The following TAL1 variants were observed in gnomAD, a reference collection of about 807,000 sequenced individuals.
The protein encoded by TAL1 is TAL bHLH transcription factor 1, erythroid differentiation factor.
TAL1 carries 8 observed loss-of-function variants against 17.9 expected under a neutral mutation model. The observed-to-expected ratio is 0.45, with a 90% CI of 0.26 to 0.81. The LOEUF (loss-of-function observed/expected upper bound fraction) is 0.81. Ranked by LOEUF, TAL1 falls within the 30% of genes least tolerant of loss-of-function variation. The pLI is 0.17. For synonymous variants in TAL1, 223 were observed against 218.6 expected, an observed-to-expected ratio of 1.02 and a Z score of -0.18; for missense variants, 466 against 486.9, an observed-to-expected ratio of 0.96 and a Z score of 0.40.
At chr1:47,225,948 G>T in intron 1 of TAL1, 59 bp from the exon 3 acceptor site, 1 of 1,516,640 alleles carries the variant, frequency 6.6e-7, no homozygotes, top group Admixed American at 2.0e-5. Flanking sequence ...CTGACCCACC[G>T]ACGTGGGCTG....
chr1:47,218,367 G>C (rs1165130503), exon 4 of TAL1: 1 of 232,636 alleles, frequency 4.3e-6, no homozygotes, highest in Non-Finnish European at 8.5e-6. Context: ...TTCTACAAAA[G>C]GATTCTTCAC....
intron 3 of TAL1, among the ~76,000 whole-genome samples, chr1:47,220,764 G>GT (rs1643774187): frequency 1.3e-5 from 2 of 152,214 alleles, no homozygotes; most frequent in South Asian, 4.1e-4. Flanking sequence ...CCATGTATCA[G>GT]TTTTTTGCTA....
chr1:47,225,361 C>G, intron 2 of TAL1, 82 bp downstream of exon 3: 1 of 1,187,720 alleles, frequency 8.4e-7, no homozygotes, highest in Non-Finnish European at 1.1e-6. Flanking sequence ...AGGCCGCCGC[C>G]GATGTGTAGA....
intron 2 of TAL1, 90 bp downstream of exon 3, chr1:47,225,353 G>T: frequency 8.6e-7 from 1 of 1,163,386 alleles, no homozygotes; most frequent in Non-Finnish European, 1.1e-6. Flanking sequence ...CCCAGGGCAG[G>T]CCGCCGCCGA....
exon 2 of TAL1, chr1:47,225,862 C>T: frequency 6.3e-7 from 1 of 1,582,678 alleles, no homozygotes; most frequent in Non-Finnish European, 8.5e-7. Context: ...CACTGCGAGC[C>T]GCCTCGCTCG....
At chr1:47,217,216 C>T in exon 4 of TAL1, 1 of 238,744 alleles carries the variant, frequency 4.2e-6, no homozygotes, top group Non-Finnish European at 8.0e-6. Flanking sequence ...TCCATCTCTA[C>T]CAAAAAAAAA....
intron 1 of TAL1, chr1:47,226,187 T>G: frequency 7.7e-6 from 3 of 390,244 alleles, no homozygotes; most frequent in Non-Finnish European, 1.4e-5. Flanking sequence ...AGAAAAGGAA[T>G]ACAGCCAGCG....
exon 3 of TAL1, chr1:47,224,081 G>C: frequency 6.2e-7 from 1 of 1,613,800 alleles, no homozygotes; most frequent in African/African-American, 1.3e-5. Context: ...GAAGGCATCC[G>C]GCTCCCCAAA....
intron 2 of TAL1, among the ~76,000 whole-genome samples, chr1:47,224,897 G>A (rs1176617847): frequency 6.6e-6 from 1 of 152,230 alleles, no homozygotes; most frequent in Non-Finnish European, 1.5e-5. Flanking sequence ...AGAGGGGCTG[G>A]GAGTGGAGGG....
intron 2 of TAL1, among the ~76,000 whole-genome samples, 193 bp from the exon 4 acceptor site, chr1:47,224,291 T>C (rs1643875881): frequency 6.6e-6 from 1 of 151,442 alleles, no homozygotes; most frequent in Non-Finnish European, 1.5e-5. Flanking sequence ...ACTCTGTCTG[T>C]CATAAAACAA....
chr1:47,225,849 G>T, exon 2 of TAL1: 2 of 1,586,398 alleles, frequency 1.3e-6, no homozygotes, highest in Admixed American at 1.7e-5. Context: ...TCTAGCTGGG[G>T]GTCACTGCGA....
chr1:47,228,172 G>A (rs550903434), intron 1 of TAL1: 19 of 164,920 alleles, frequency 1.2e-4, no homozygotes, highest in Non-Finnish European at 2.0e-4. Context: ...ATATATGATT[G>A]GATCCCAGGA....
exon 2 of TAL1, chr1:47,225,783 C>T (rs1643899826): frequency 6.4e-7 from 1 of 1,558,618 alleles, no homozygotes; most frequent in Non-Finnish European, 8.6e-7. Context: ...TTGGCGACGC[C>T]GTTCAGCAGG....
chr1:47,225,318 C>T, intron 2 of TAL1, 125 bp downstream of exon 3: 1 of 919,638 alleles, frequency 1.1e-6, no homozygotes, highest in Non-Finnish European at 1.4e-6. Context: ...ACGACCTCCT[C>T]TCCCTGCGCT....
At chr1:47,229,780 G>A (rs1454410418), upstream of TAL1, 1 of 152,238 alleles carries the variant, frequency 6.6e-6, no homozygotes, top group African/African-American at 2.4e-5. Context: ...GCCTGGATGG[G>A]CGGAGGTCCG....
At chr1:47,216,602 C>T (rs1453946011) in exon 4 of TAL1, 2 of 231,722 alleles carry the variant, frequency 8.6e-6, no homozygotes, top group Admixed American at 5.6e-5. Flanking sequence ...ATCACAAGTA[C>T]GGCCAGACCC....
chr1:47,232,167 G>C (rs1232932313), upstream of TAL1: 2 of 208,926 alleles, frequency 9.6e-6, no homozygotes. Context: ...GAATGCTCAC[G>C]TTTTTCCGCT....
intron 3 of TAL1, among the ~76,000 whole-genome samples, chr1:47,221,344 A>G (rs1002257406): frequency 6.6e-5 from 10 of 152,352 alleles, no homozygotes; most frequent in African/African-American, 2.4e-4. Context: ...CATGTCTACA[A>G]TCCACTGACT....
chr1:47,225,348 G>T (rs989427225), intron 2 of TAL1, 95 bp downstream of exon 3: 15 of 1,139,030 alleles, frequency 1.3e-5, no homozygotes, highest in Non-Finnish European at 1.7e-5. Flanking sequence ...CGGCCCCCAG[G>T]GCAGGCCGCC....
Sources: gnomAD v4.1 joint callset for allele counts (sites outside exome capture counted in the v4.1 genomes callset) on GRCh38, gnomAD v4.1.1 for gene constraint, MANE v1.5 for transcripts, NCBI Gene and HGNC (gene_info 2026-07-23, HGNC 2026-07-21) for gene names.